ITIH5: variants seen among roughly 807,000 people sequenced by gnomAD.
ITIH5 encodes the protein inter-alpha-trypsin inhibitor heavy chain H5.
A neutral mutation model predicts 77.5 loss-of-function variants in ITIH5; 65 were observed. The ratio of observed to expected loss-of-function variants is 0.84; its 90% CI spans 0.69 to 1.03. The LOEUF (loss-of-function observed/expected upper bound fraction) is 1.03. ITIH5 is among the 50% of genes least tolerant of loss of function. The probability of loss-of-function intolerance (pLI) is 0.00; values close to 1 mark genes in which losing one functional copy is unlikely to be tolerated. For synonymous variants in ITIH5, 525 were observed against 494.3 expected (o/e 1.06, Z -0.82); for missense variants, 1,208 against 1,213.1 (o/e 1.00, Z 0.06).
intron 7 of ITIH5, chr10:7,600,459 C>CATCA (rs1237535494): frequency 3.3e-5 from 15 of 450,094 alleles, no homozygotes; most frequent in Middle Eastern, 3.3e-4. Context: ...CCACTGCTGC[C>CATCA]ATCAACCCAG....
At chr10:7,614,224 A>G (rs116834748) in intron 7 of ITIH5, among the ~76,000 whole-genome samples, 3,353 of 152,358 alleles carry the variant, frequency 0.022, 131 homozygotes, top group African/African-American at 0.07. Flanking sequence ...AGAAAGCAGA[A>G]GGAAGAAAAA....
chr10:7,637,984 C>T (rs1314139559), intron 4 of ITIH5, among the ~76,000 whole-genome samples: 1 of 152,194 alleles, frequency 6.6e-6, no homozygotes, highest in Non-Finnish European at 1.5e-5. Context: ...ACTCCAGATG[C>T]TTTCAGTACT....
chr10:7,664,765 AT>A (rs1182471246), intron 1 of ITIH5, among the ~76,000 whole-genome samples: 3 of 152,222 alleles, frequency 2.0e-5, no homozygotes, highest in African/African-American at 7.2e-5. Context: ...ATAGACTTAC[AT>A]TTTTCAAATT....
At position 7,617,340 on chromosome 10, in the gene ITIH5, T is replaced by TA. The variant is rs1286375942; in HGVS notation, c.653-59dup. On this transcript the variant is annotated intron_variant, in intron 5 of 13. Transcript: ENST00000397146. ...TAATATATATTTTTCCAAAAAGAAA[T>TA]AAAAACTGTTTGGCAGACACAGAGT... 69 of 1,148,154 alleles carry TA rather than the reference T, an allele frequency of 6.0e-5. 1 individual carries two copies. In the South Asian group the frequency reaches 1.4e-3, roughly 23 times the overall value. The allele number at this position is 1,148,154 out of a possible 1,614,324, so 71.1% of individuals were successfully genotyped here.
chr10:7,627,927 C>T (rs1386281277), intron 5 of ITIH5, among the ~76,000 whole-genome samples: 6 of 148,902 alleles, frequency 4.0e-5, no homozygotes, highest in Non-Finnish European at 8.9e-5. Context: ...ATGCAACCTC[C>T]GCCTCCCACA....
intron 7 of ITIH5, among the ~76,000 whole-genome samples, chr10:7,603,005 T>C (rs1382093766): frequency 1.3e-5 from 2 of 152,118 alleles, no homozygotes; most frequent in Non-Finnish European, 2.9e-5. Flanking sequence ...ACAAATTACA[T>C]TCCTACAGCA....
At chr10:7,663,921 C>T (rs926173144) in intron 1 of ITIH5, among the ~76,000 whole-genome samples, 5 of 152,194 alleles carry the variant, frequency 3.3e-5, no homozygotes, top group Non-Finnish European at 7.3e-5. Flanking sequence ...TACTCAATAA[C>T]TGGTGGCTTT....
At chr10:7,620,548 T>A (rs906592586) in intron 5 of ITIH5, 2 of 152,222 alleles carry the variant, frequency 1.3e-5, no homozygotes, top group African/African-American at 2.4e-5. Context: ...TAAAATTTTA[T>A]CAAGCTGTAC....
intron 10 of ITIH5, 27 bp from the exon 11 acceptor site, chr10:7,573,222 A>C (rs1437033030): frequency 5.0e-6 from 8 of 1,594,476 alleles, no homozygotes; most frequent in Non-Finnish European, 6.9e-6. Flanking sequence ...AGAGAACATC[A>C]TGGTCATTCC....
intron 7 of ITIH5, among the ~76,000 whole-genome samples, chr10:7,594,443 C>G (rs1369530034): frequency 6.6e-6 from 1 of 152,108 alleles, no homozygotes; most frequent in Non-Finnish European, 1.5e-5. Context: ...AGACAGGTAC[C>G]CCCAAAACAT....
chr10:7,564,926 T>C (rs1162436419), intron 13 of ITIH5, among the ~76,000 whole-genome samples: 1 of 149,060 alleles, frequency 6.7e-6, no homozygotes, highest in African/African-American at 2.5e-5. Flanking sequence ...TATATATATA[T>C]ATATACACAC....
chr10:7,635,910 C>G (rs557555429), intron 5 of ITIH5, among the ~76,000 whole-genome samples: 2 of 152,128 alleles, frequency 1.3e-5, no homozygotes, highest in African/African-American at 2.4e-5. Context: ...CAGCCGCAGG[C>G]ACTGAATACA....
chr10:7,653,258 G>A (rs1471465691), intron 2 of ITIH5, among the ~76,000 whole-genome samples: 1 of 152,200 alleles, frequency 6.6e-6, no homozygotes, highest in East Asian at 1.9e-4. Context: ...CCAAGCTAGA[G>A]TGCAGTGGTG....
At chr10:7,651,968 T>C (rs1335482485) in intron 2 of ITIH5, among the ~76,000 whole-genome samples, 1 of 152,084 alleles carries the variant, frequency 6.6e-6, no homozygotes, top group Non-Finnish European at 1.5e-5. Context: ...CCACACTCAA[T>C]AGAAACAAAC....
In ITIH5 at chr10:7,634,037, C is replaced by T. The variant is rs1481917520; in HGVS notation, c.652+3191G>A. Among the ~76,000 whole-genome samples, 5 of 133,342 alleles carry T rather than the reference C, an allele frequency of 3.7e-5. No individual in the cohort carries two copies. In the East Asian group the frequency reaches 6.8e-4, roughly 18 times the overall value. 87.5% of individuals were successfully genotyped at this position (133,342 alleles called of 152,430 possible). ...CCGGAAGGCGGAGCTTGCAGTGAGC[C>T]GAGATCGCGCCACTGCACTCCAGCC... On this transcript the variant is annotated intron_variant, in intron 5 of 13. Transcript: ENST00000397146.
At position 7,560,287 on chromosome 10, in the gene ITIH5, A is replaced by G. The variant is rs1443542094; in HGVS notation, c.*2796T>C. ...TTCAACATATGAATTTGGGGAAGAC[A>G]TATACACTCAATCCAAGGCATGTCG... On this transcript the variant is annotated 3_prime_UTR_variant, in exon 14 of 14. Coordinates refer to ENST00000397146, the MANE Select transcript of ITIH5 (RefSeq NM_030569.7). 1 of 156,934 alleles carries G rather than the reference A, an allele frequency of 6.4e-6. No homozygotes were observed. The highest frequency in any genetic ancestry group is 2.4e-5 in the African/African-American group (1 of 41,508). The allele number at this position is 156,934 out of a possible 1,614,324, so 9.7% of individuals were successfully genotyped here.
At chr10:7,638,092 C>G (rs1833830142) in intron 4 of ITIH5, among the ~76,000 whole-genome samples, 1 of 152,104 alleles carries the variant, frequency 6.6e-6, no homozygotes, top group African/African-American at 2.4e-5. Context: ...AAGAAGTTTC[C>G]AGAAGGCTTG....
intron 7 of ITIH5, among the ~76,000 whole-genome samples, chr10:7,611,629 T>C (rs1833246313): frequency 6.6e-6 from 1 of 152,210 alleles, no homozygotes; most frequent in African/African-American, 2.4e-5. Context: ...TTCTTTCTAG[T>C]AGCTTGTTTT....
chr10:7,615,108 G>A (rs917135506), intron 7 of ITIH5, among the ~76,000 whole-genome samples: 37 of 152,104 alleles, frequency 2.4e-4, no homozygotes, highest in African/African-American at 8.4e-4. Flanking sequence ...TTAGCCAGGT[G>A]TGGTGGAGTA....
Sources: gnomAD v4.1 joint callset for allele counts (sites outside exome capture counted in the v4.1 genomes callset) on GRCh38, gnomAD v4.1.1 for gene constraint, MANE v1.5 for transcripts, NCBI Gene and HGNC (gene_info 2026-07-23, HGNC 2026-07-21) for gene names.